PARP1: variants seen among roughly 807,000 people sequenced by gnomAD.
PARP1 encodes the protein poly(ADP-ribose) polymerase 1, also known as poly [ADP-ribose] polymerase 1.
In PARP1, 44 loss-of-function variants were observed where a neutral mutation model predicts 118.7. That is an observed-to-expected ratio of 0.37 (90% confidence interval 0.29 to 0.48). PARP1 has a LOEUF of 0.48. PARP1 is among the 20% of genes least tolerant of loss of function. The pLI, the probability that PARP1 is intolerant of heterozygous loss-of-function variation, is 0.99. For synonymous variants in PARP1, 492 were observed against 483.2 expected, an observed-to-expected ratio of 1.02 and a Z score of -0.24; for missense variants, 1,100 against 1,272.4, an observed-to-expected ratio of 0.86 and a Z score of 2.06.
chr1:226,376,542 A>C (rs965560555), intron 13 of PARP1, among the ~76,000 whole-genome samples: 1 of 152,212 alleles, frequency 6.6e-6, no homozygotes, highest in Non-Finnish European at 1.5e-5. Flanking sequence ...ATTACGTCCT[A>C]TTGTTTCAGG....
At chr1:226,399,650 C>T (rs1475746419) in intron 2 of PARP1, among the ~76,000 whole-genome samples, 1 of 152,116 alleles carries the variant, frequency 6.6e-6, no homozygotes, top group African/African-American at 2.4e-5. Flanking sequence ...AAAGAGTGAG[C>T]CCTCATGTAA....
In PARP1 at chr1:226,386,385, T is replaced by C. The variant is rs2102738970; in HGVS notation, c.775A>G (p.Asn259Asp). 1 of 1,614,106 alleles carries C rather than the reference T, an allele frequency of 6.2e-7. No individual in the cohort carries two copies. Among genetic ancestry groups the C allele is most frequent in the Non-Finnish European group, 8.5e-7 (1 of 1,179,970 alleles). The change falls in exon 6 of 23, where the codon AAT (asparagine) becomes GAT (aspartate). Residue 259 changes from asparagine (N) to aspartate (D), a missense_variant. Asn to Asp is a conservative substitution (Grantham distance 23). Transcript: ENST00000366794. The stretch of plus-strand genomic sequence containing the variant: ...AAGATGAGTAGCTCCTTCAGGTCAT[T>C]AGTTGAACACACTTTCTTTAGCTCG... Reference protein sequence around the residue: ...KDELKKVCSTNDLKELLIFNK... With the variant: ...KDELKKVCSTDDLKELLIFNK...
In PARP1 at chr1:226,407,963, C is replaced by T. The variant is rs1432910243; in HGVS notation, c.-34G>A. The T allele has an allele frequency of 1.2e-6, 2 of 1,611,480 alleles. No individual in the cohort carries two copies. Among genetic ancestry groups the T allele is most frequent in the Non-Finnish European group, 8.5e-7 (1 of 1,178,782 alleles). ...AGCTGCCGCCAAAGCTCCGGAAGCC[C>T]GACGCCACGACCTAGAAACACGCTG... On this transcript the variant is annotated 5_prime_UTR_variant, in exon 1 of 23. Coordinates refer to ENST00000366794, the MANE Select transcript of PARP1 (RefSeq NM_001618.4).
intron 2 of PARP1, chr1:226,392,871 T>A (rs907073883): frequency 5.9e-6 from 9 of 1,517,960 alleles, no homozygotes; most frequent in African/African-American, 1.4e-5. Context: ...AAAACTGGAT[T>A]CTTCTCTTAT....
intron 5 of PARP1, among the ~76,000 whole-genome samples, chr1:226,387,905 T>C (rs749981122): frequency 3.3e-5 from 5 of 152,200 alleles, no homozygotes; most frequent in Non-Finnish European, 7.3e-5. Flanking sequence ...GAACAAAATG[T>C]GTGATTCTTA....
At position 226,383,177 on chromosome 1, in the gene PARP1, G is replaced by A. The variant is rs1383847803; in HGVS notation, c.1018C>T (p.Arg340Ter). The A allele has an allele frequency of 3.1e-6, 5 of 1,612,522 alleles. No individual in the cohort carries two copies. Among genetic ancestry groups the A allele is most frequent in the Admixed American group, 1.7e-5 (1 of 60,002 alleles). ...AATTTCTTGAGGTAAGAGATTTCTC[G>A]GAATTCCTAAAAAATATTAAGTTTT... ...RKEWVTPKEF[R>*]EISYLKKLKV... is the part of the protein sequence containing the mutation. The change falls in exon 8 of 23, where the codon CGA becomes TGA. Residue 340 changes from arginine (R) to a stop codon, truncating the protein, a stop_gained. Transcript: ENST00000366794. LOFTEE classifies it high-confidence loss of function.
At chr1:226,383,811 G>A (rs1187241150) in intron 7 of PARP1, among the ~76,000 whole-genome samples, 2 of 152,156 alleles carry the variant, frequency 1.3e-5, no homozygotes, top group African/African-American at 4.8e-5. Context: ...TGAAGCTCAG[G>A]GAAAGATACT....
rs79858762 is a variant in PARP1 at position 226,381,165 on chromosome 1, C to G, written c.1203G>C (p.Leu401=). 1 of 1,614,156 alleles carries G rather than the reference C, an allele frequency of 6.2e-7. No individual in the cohort carries two copies. Among genetic ancestry groups the G allele is most frequent in the Middle Eastern group, 1.6e-4 (1 of 6,062 alleles). ...CCTTCACTTCATCCTTGTTCCGGGACAGCTTCCCGAGAGTCAGGATCTTCA... is the reference window on the plus strand; with the variant it reads ...CCTTCACTTCATCCTTGTTCCGGGAGAGCTTCCCGAGAGTCAGGATCTTCA... ...SNMKILTLGK[L]SRNKDEVKAM... is the part of the protein sequence containing the mutation. Residue 401 remains leucine (L), a synonymous_variant, in exon 9 of 23, where the codon CTG becomes CTC. Transcript: ENST00000366794.
In PARP1 at chr1:226,380,075, C is replaced by A. The variant is rs149332554; in HGVS notation, c.1390G>T (p.Ala464Ser). The A allele has an allele frequency of 3.1e-6, 5 of 1,614,212 alleles. No homozygotes were observed. In the Admixed American group the frequency reaches 6.7e-5, roughly 22 times the overall value. The change falls in exon 10 of 23, where the codon GCC becomes TCC. Residue 464 changes from alanine (A) to serine (S), a missense_variant. By Grantham distance (99) the Ala-to-Ser change is moderately conservative. Transcript: ENST00000366794. ...VSEDFLQDVSASTKSLQELFL... is the reference protein window; with the variant it reads ...VSEDFLQDVSSSTKSLQELFL... ...AACTCCTGAAGGCTCTTGGTGGAGG[C>A]GGAGACGTCCTGGAGGAAGTCCTCA... is the stretch of plus-strand genomic sequence containing the variant.
chr1:226,381,222 A>G lies in PARP1; in HGVS notation c.1160-14T>C. The G allele has an allele frequency of 1.9e-6, 3 of 1,614,132 alleles. No individual in the cohort carries two copies. Reference sequence around the variant, plus strand: ...ATAATGGCTTATCTGGGATGAAAGGAGAGAATCATTCAGCAAGGCCAGCTC... The same window carrying G: ...ATAATGGCTTATCTGGGATGAAAGGGGAGAATCATTCAGCAAGGCCAGCTC... On this transcript the variant is annotated splice_polypyrimidine_tract_variant and intron_variant, in intron 8 of 22. Transcript: ENST00000366794.
At chr1:226,369,616 T>C (rs1014915704) in intron 15 of PARP1, among the ~76,000 whole-genome samples, 1 of 152,206 alleles carries the variant, frequency 6.6e-6, no homozygotes, top group African/African-American at 2.4e-5. Context: ...TCTCTACACC[T>C]GTGGGCTCTG....
At chr1:226,387,487 G>T (rs1200412225) in intron 5 of PARP1, among the ~76,000 whole-genome samples, 1 of 152,118 alleles carries the variant, frequency 6.6e-6, no homozygotes, top group Admixed American at 6.5e-5. Flanking sequence ...ATCAAAAGAG[G>T]ATTTTAACTC....
chr1:226,402,049 C>T lies in PARP1; in HGVS notation c.286+165G>A, dbSNP rs547524933. The T allele has an allele frequency of 2.0e-5, 30 of 1,537,214 alleles. No homozygotes were observed. The South Asian group carries it at 3.1e-4, about 16-fold the overall frequency. On this transcript the variant is annotated intron_variant, in intron 2 of 22. Coordinates refer to ENST00000366794, the MANE Select transcript of PARP1 (RefSeq NM_001618.4). ...ACCAAATATCATGCAACAGATGATGCTGAGTCCAGGAGGTGTTGCTGAAAT... is the reference window on the plus strand; with the variant it reads ...ACCAAATATCATGCAACAGATGATGTTGAGTCCAGGAGGTGTTGCTGAAAT...
At chr1:226,379,815 C>T in intron 10 of PARP1, 107 bp downstream of exon 10, 6 of 1,563,134 alleles carry the variant, frequency 3.8e-6, no homozygotes, top group Non-Finnish European at 5.3e-6. Context: ...CTCTGCAGCA[C>T]TCAACAGGCC....
rs988551972 is a variant in PARP1 at position 226,399,630 on chromosome 1, T to C, written c.286+2584A>G. Among the ~76,000 whole-genome samples the C allele has an allele frequency of 6.3e-4, 96 of 152,266 alleles. 1 individual carries two copies. The highest frequency in any genetic ancestry group is 2.2e-3 in the African/African-American group (93 of 41,552). ...TGTATGTTTGTTAAAACTGACAGAA[T>C]GTACAATGCAAAGAGTGAGCCCTCA... On this transcript the variant is annotated intron_variant, in intron 2 of 22. Coordinates refer to ENST00000366794, the MANE Select transcript of PARP1 (RefSeq NM_001618.4).
At position 226,365,057 on chromosome 1, in the gene PARP1, T is replaced by C. The variant is rs774209977; in HGVS notation, c.2603A>G (p.Asn868Ser). Residue 868 changes from asparagine (N) to serine (S), a missense_variant, in exon 19 of 23, where the codon AAC (asparagine) becomes AGC (serine). Physicochemically the swap from Asn to Ser is conservative, Grantham distance 46. This residue lies in a region of PARP1 where 152 missense variants were observed against 240.6 expected (regional missense o/e 0.63). Transcript: ENST00000366794. ...RLLWHGSRTTNFAGILSQGLR... is the reference protein window; with the variant it reads ...RLLWHGSRTTSFAGILSQGLR... The stretch of plus-strand genomic sequence containing the variant: ...ACCCTGGGACAGGATCCCAGCAAAG[T>C]TGGTGGTCCTGGACCCGTGCCACAG... 5.6e-6 allele frequency: 9 copies of C among 1,614,156 alleles called. No homozygotes were observed. Among genetic ancestry groups the C allele is most frequent in the Non-Finnish European group, 6.8e-6 (8 of 1,180,018 alleles).
rs577569021 is a variant in PARP1, at chr1:226,374,995, T to C, written c.1942-641A>G. ...AGGTTATATCAAGATCACACTGTAC[T>C]GAAACTGCTTTAACTCTTTAGACTT... On this transcript the variant is annotated intron_variant, in intron 13 of 22. Coordinates refer to ENST00000366794, the MANE Select transcript of PARP1 (RefSeq NM_001618.4). Among the ~76,000 whole-genome samples, 6 of 152,362 alleles carry C rather than the reference T, an allele frequency of 3.9e-5. No individual in the cohort carries two copies. In the South Asian group the frequency reaches 1.2e-3, roughly 32 times the overall value.
At chr1:226,397,470 C>A (rs1274221493) in intron 2 of PARP1, among the ~76,000 whole-genome samples, 1 of 146,306 alleles carries the variant, frequency 6.8e-6, no homozygotes, top group East Asian at 2.1e-4. Context: ...GCTGCAAGGG[C>A]AGACAGTGAT....
intron 1 of PARP1, among the ~76,000 whole-genome samples, chr1:226,406,378 T>C (rs1451011000): frequency 6.6e-6 from 1 of 152,258 alleles, no homozygotes; most frequent in East Asian, 1.9e-4. Flanking sequence ...CATAACAGGC[T>C]GCCTTGTATA....
Sources: gnomAD v4.1 joint callset for allele counts (sites outside exome capture counted in the v4.1 genomes callset) on GRCh38, gnomAD v4.1.1 for gene constraint, gnomAD v4.1.1 regional missense constraint, MANE v1.5 for transcripts, NCBI Gene and HGNC (gene_info 2026-07-23, HGNC 2026-07-21) for gene names.